The following NRG3 variants were observed in gnomAD, a reference collection of about 807,000 sequenced individuals.
NRG3 encodes pro-neuregulin-3, membrane-bound isoform.
A neutral mutation model predicts 66.9 loss-of-function variants in NRG3; 31 were observed. The ratio of observed to expected loss-of-function variants is 0.46; its 90% CI spans 0.35 to 0.63. The LOEUF (loss-of-function observed/expected upper bound fraction) is 0.63. Ranked by LOEUF, NRG3 falls within the 20% of genes least tolerant of loss-of-function variation. NRG3 has a pLI of 0.00. For synonymous variants in NRG3, 393 were observed against 359.4 expected, an observed-to-expected ratio of 1.09 and a Z score of -1.06; for missense variants, 910 against 878.9, an observed-to-expected ratio of 1.04 and a Z score of -0.45.
intron 1 of NRG3, among the ~76,000 whole-genome samples, chr10:82,172,774 G>A (rs1052742550): frequency 2.6e-5 from 4 of 152,080 alleles, no homozygotes; most frequent in South Asian, 2.1e-4. Context: ...GGCCTTTCCC[G>A]CTTGACCCAT....
At chr10:82,893,384 A>G (rs1259937430) in intron 4 of NRG3, among the ~76,000 whole-genome samples, 5 of 152,156 alleles carry the variant, frequency 3.3e-5, no homozygotes, top group Admixed American at 3.3e-4. Context: ...GGAAATTAGG[A>G]TATATTTAGA....
At chr10:82,000,871 T>G (rs944159013) in intron 1 of NRG3, among the ~76,000 whole-genome samples, 6 of 152,218 alleles carry the variant, frequency 3.9e-5, no homozygotes, top group Non-Finnish European at 5.9e-5. Context: ...TTCAGTGGTC[T>G]TGCCAGAACA....
intron 4 of NRG3, among the ~76,000 whole-genome samples, chr10:82,947,113 A>G (rs2132319036): frequency 6.6e-6 from 1 of 152,280 alleles, no homozygotes; most frequent in African/African-American, 2.4e-5. Flanking sequence ...CTCTCCTATC[A>G]GTCCCTACTC....
At chr10:82,748,287 G>T (rs2058724610) in intron 3 of NRG3, among the ~76,000 whole-genome samples, 1 of 151,310 alleles carries the variant, frequency 6.6e-6, no homozygotes, top group Non-Finnish European at 1.5e-5. Context: ...ACCAATATAT[G>T]ATATTAAATA....
intron 2 of NRG3, among the ~76,000 whole-genome samples, chr10:82,594,724 T>C (rs1227894313): frequency 1.3e-5 from 2 of 152,162 alleles, no homozygotes; most frequent in African/African-American, 4.8e-5. Flanking sequence ...TGCCTCTTTC[T>C]CCATTCCTGG....
rs771269847 is a variant in NRG3, at chr10:81,876,007, T to G, written c.667T>G (p.Ser223Ala). The G allele has an allele frequency of 1.2e-6, 2 of 1,614,024 alleles. No homozygotes were observed. Among genetic ancestry groups the G allele is most frequent in the East Asian group, 4.5e-5 (2 of 44,854 alleles). Residue 223 changes from serine to alanine, a missense_variant, in exon 1 of 9, where the codon TCC becomes GCC. Coordinates refer to ENST00000372141, the MANE Select transcript of NRG3 (RefSeq NM_001010848.4). The stretch of plus-strand genomic sequence containing the variant: ...AACTCCAAGTACCCAGGCAATGCCC[T>G]CCTGGCCTACTGCGGCATACGCTAC... ...PGTPSTQAMP[S>A]WPTAAYATSS...
At chr10:82,214,083 G>GT (rs34079501) in intron 1 of NRG3, among the ~76,000 whole-genome samples, 7 of 152,112 alleles carry the variant, frequency 4.6e-5, no homozygotes, top group Admixed American at 2.6e-4. Context: ...CTGACAAAGT[G>GT]TTTTTTTAAA....
intron 2 of NRG3, among the ~76,000 whole-genome samples, chr10:82,469,744 A>G (rs1841052025): frequency 2.0e-5 from 3 of 152,240 alleles, no homozygotes; most frequent in Admixed American, 1.3e-4. Context: ...GCATGCAGAC[A>G]TGAGCTCTGT....
intron 2 of NRG3, among the ~76,000 whole-genome samples, chr10:82,581,659 G>T (rs1350222684): frequency 1.3e-5 from 2 of 151,880 alleles, no homozygotes; most frequent in African/African-American, 4.8e-5. Flanking sequence ...GTTGGTGATG[G>T]TTGCTCAATG....
rs78771297 is a variant in NRG3, at chr10:82,203,026, A to C, written c.824-155713A>C. Reference sequence around the variant, plus strand: ...GCACATTAGGGAGGACATGAATGTCAGGATGAAGAAGTTGGAGTAACTGGG... The same window carrying C: ...GCACATTAGGGAGGACATGAATGTCCGGATGAAGAAGTTGGAGTAACTGGG... On this transcript the variant is annotated intron_variant, in intron 1 of 8. Transcript: ENST00000372141. Among the ~76,000 whole-genome samples the C allele has an allele frequency of 5.3e-5, 8 of 152,312 alleles. No homozygotes were observed. The East Asian group carries it at 1.5e-3, about 29-fold the overall frequency.
intron 1 of NRG3, among the ~76,000 whole-genome samples, chr10:82,293,514 C>T (rs1271784667): frequency 6.6e-6 from 1 of 152,126 alleles, no homozygotes; most frequent in Admixed American, 6.6e-5. Context: ...TAAAATTTCT[C>T]TGAGGCATTA....
intron 2 of NRG3, among the ~76,000 whole-genome samples, chr10:82,682,064 G>T (rs1411486946): frequency 6.6e-6 from 1 of 152,226 alleles, no homozygotes; most frequent in African/African-American, 2.4e-5. Context: ...TGCTCTGTCT[G>T]CCAAGAGATG....
Position 82,973,824 on chromosome 10 carries a change from G to C in NRG3, c.1321G>C (p.Glu441Gln). Residue 441 changes from glutamate (E) to glutamine (Q), a missense_variant, in exon 7 of 9, where the codon GAG becomes CAG. Transcript: ENST00000372141. ...KVERHPVTAL[E>Q]KMMESSFVGP... is the part of the protein sequence containing the mutation. Reference sequence around the variant, plus strand: ...GGAAAGGCATCCTGTGACTGCATTGGAGAAAATGATGGAGTCAAGTTTTGT... The same window carrying C: ...GGAAAGGCATCCTGTGACTGCATTGCAGAAAATGATGGAGTCAAGTTTTGT... 1 of 1,613,980 alleles carries C rather than the reference G, an allele frequency of 6.2e-7. No individual in the cohort carries two copies.
rs767566051 is a variant in NRG3 at position 81,875,631 on chromosome 10, C to T, written c.291C>T (p.Tyr97=). ...TCGTGGTGGGCTCCGTCAAGGAGTA[C>T]GTGCCCACCGACCTAGTGGACTCCA... ...KWIVVGSVKE[Y]VPTDLVDSKG... The change falls in exon 1 of 9, where the codon TAC becomes TAT. Residue 97 remains tyrosine (Y), a synonymous_variant. Transcript: ENST00000372141. The surrounding 1 kb of genome is among the most constrained non-coding windows in gnomAD (Gnocchi z 5.3). 34 of 1,613,688 alleles carry T rather than the reference C, an allele frequency of 2.1e-5. No homozygotes were observed. Among genetic ancestry groups the T allele is most frequent in the Non-Finnish European group, 2.8e-5 (33 of 1,179,944 alleles).
chr10:82,730,830 C>T lies in NRG3; in HGVS notation c.954-7747C>T, dbSNP rs544002012. 4.6e-5 allele frequency among the ~76,000 whole-genome samples: 7 copies of T among 152,262 alleles called. No homozygotes were observed. In the South Asian group the frequency reaches 1.5e-3, roughly 32 times the overall value. On this transcript the variant is annotated intron_variant, in intron 2 of 8. Coordinates refer to ENST00000372141, the MANE Select transcript of NRG3 (RefSeq NM_001010848.4). Reference sequence around the variant, plus strand: ...CTGGGGAAAGGAATGCGTTCTCCCACCATTAATACCTTTTGAGCCAATAAC... The same window carrying T: ...CTGGGGAAAGGAATGCGTTCTCCCATCATTAATACCTTTTGAGCCAATAAC...
At chr10:82,870,368 A>T (rs1284606358) in intron 4 of NRG3, among the ~76,000 whole-genome samples, 1 of 152,224 alleles carries the variant, frequency 6.6e-6, no homozygotes, top group African/African-American at 2.4e-5. Context: ...AACTTTTGAC[A>T]ATTATGGATA....
chr10:82,596,280 A>G (rs1330155376), intron 2 of NRG3, among the ~76,000 whole-genome samples: 1 of 152,194 alleles, frequency 6.6e-6, no homozygotes, highest in African/African-American at 2.4e-5. Context: ...AAGTTGGGCC[A>G]GAGTAGAATT....
chr10:82,102,143 T>TGTGTATTC (rs1313196937), intron 1 of NRG3, among the ~76,000 whole-genome samples: 5 of 47,672 alleles, frequency 1.0e-4, no homozygotes, highest in Admixed American at 2.0e-4. Context: ...CATATATATA[T>TGTGTATTC]ATATATATAT....
At chr10:82,296,655 G>A (rs1364803583) in intron 1 of NRG3, among the ~76,000 whole-genome samples, 1 of 152,056 alleles carries the variant, frequency 6.6e-6, no homozygotes, top group Admixed American at 6.6e-5. Context: ...ACTTCTTTGT[G>A]TTGGGAACAT....
Sources: allele counts gnomAD v4.1 joint callset (sites outside exome capture counted in the v4.1 genomes callset), GRCh38; gene constraint gnomAD v4.1.1; non-coding constraint Gnocchi (gnomAD v3.1); transcripts MANE v1.5; gene names NCBI Gene and HGNC (gene_info 2026-07-23, HGNC 2026-07-21).